VPS13C: variants seen among roughly 807,000 people sequenced by gnomAD.
VPS13C encodes intermembrane lipid transfer protein VPS13C.
Under a neutral mutation model 456.8 loss-of-function variants are expected in VPS13C, and 358 were observed. That is an observed-to-expected ratio of 0.78 (90% CI 0.72 to 0.86). The LOEUF is 0.86. Ranked by LOEUF, VPS13C falls within the 40% of genes least tolerant of loss-of-function variation. The pLI, the probability that VPS13C is intolerant of heterozygous loss-of-function variation, is 0.00. For missense variants in VPS13C, 4,818 were observed against 4,385.4 expected (o/e 1.10, Z -2.79); for synonymous variants, 1,578 against 1,486.7 (o/e 1.06, Z -1.41).
At chr15:61,895,368 GAAAT>G (rs1450039218) in intron 66 of VPS13C, among the ~76,000 whole-genome samples, 1 of 151,744 alleles carries the variant, frequency 6.6e-6, no homozygotes, top group African/African-American at 2.4e-5. Flanking sequence ...GATCAGAGCA[GAAAT>G]AAATAAAATT....
chr15:61,999,847 AAAG>A (rs2046540833), intron 16 of VPS13C, among the ~76,000 whole-genome samples: 2 of 151,316 alleles, frequency 1.3e-5, no homozygotes, highest in South Asian at 4.2e-4. Flanking sequence ...AGGAGAAAAG[AAAG>A]AAGAGAGGGA....
In VPS13C at chr15:61,997,502, T is replaced by C. The variant is rs1216473114; in HGVS notation, c.1353+3062A>G. Among the ~76,000 whole-genome samples, 27 of 152,146 alleles carry C rather than the reference T, an allele frequency of 1.8e-4. 1 individual carries two copies. The highest frequency in any genetic ancestry group is 1.8e-3 in the Admixed American group (27 of 15,252). The stretch of plus-strand genomic sequence containing the variant: ...ACATAATTGCCTACTCCACTGCCCC[T>C]CTGAGGTCTAAGAGATAGCTAAAAC... On this transcript the variant is annotated intron_variant, in intron 16 of 84. Coordinates refer to ENST00000644861, the MANE Select transcript of VPS13C (RefSeq NM_020821.3).
intron 81 of VPS13C, chr15:61,865,886 C>A: frequency 2.1e-6 from 2 of 961,900 alleles, no homozygotes; most frequent in Non-Finnish European, 2.5e-6. Context: ...CTCAAAGCTG[C>A]ATATTAAAGA....
chr15:61,877,843 T>G (rs1404320699), intron 74 of VPS13C, among the ~76,000 whole-genome samples: 2 of 151,966 alleles, frequency 1.3e-5, no homozygotes, highest in Non-Finnish European at 2.9e-5. Context: ...CACTGTGTTT[T>G]CCCTTTTGCG....
chr15:61,912,245 T>C (rs975357712), intron 62 of VPS13C, among the ~76,000 whole-genome samples: 4 of 152,208 alleles, frequency 2.6e-5, no homozygotes, highest in Non-Finnish European at 4.4e-5. Flanking sequence ...CGACTTACAA[T>C]GACAGATTTA....
chr15:61,907,145 T>C, intron 66 of VPS13C, 119 bp downstream of exon 66: 1 of 1,497,806 alleles, frequency 6.7e-7, no homozygotes, highest in East Asian at 2.3e-5. Flanking sequence ...AGCTACTTTT[T>C]CTGGAAATAC....
Position 62,034,952 on chromosome 15 carries a change from C to A in VPS13C, c.283+5G>T. On this transcript the variant is annotated splice_donor_5th_base_variant and intron_variant, in intron 4 of 84. Transcript: ENST00000644861. ...ATTGAATGGTTATAACCTAAAATAA[C>A]ATACTTGCTCCAGGGACAACAAGCA... The A allele has an allele frequency of 6.3e-7, 1 of 1,581,652 alleles. No homozygotes were observed. Among genetic ancestry groups the A allele is most frequent in the Non-Finnish European group, 8.6e-7 (1 of 1,161,488 alleles).
At chr15:61,863,801 T>C in intron 81 of VPS13C, 1 of 267,852 alleles carries the variant, frequency 3.7e-6, no homozygotes. Flanking sequence ...CTTAGAAATA[T>C]TAAAATATCT....
chr15:61,913,468 T>C (rs899546242), intron 61 of VPS13C, 53 bp from the exon 62 acceptor site: 11 of 1,484,396 alleles, frequency 7.4e-6, no homozygotes, highest in African/African-American at 2.8e-5. Context: ...ACTATAATAA[T>C]TTTATTTGAG....
intron 82 of VPS13C, chr15:61,856,687 CTTTTTT>C (rs542779595): frequency 2.1e-3 from 240 of 114,606 alleles, no homozygotes; most frequent in South Asian, 5.7e-3. Flanking sequence ...TTTTTCTTTT[CTTTTTT>C]TTTTTTTTTT....
chr15:61,920,575 T>G lies in VPS13C; in HGVS notation c.7135A>C (p.Ile2379Leu), dbSNP rs200869994. 17 of 1,587,878 alleles carry G rather than the reference T, an allele frequency of 1.1e-5. No homozygotes were observed. Among genetic ancestry groups the G allele is most frequent in the Non-Finnish European group, 1.7e-6 (2 of 1,171,960 alleles). Residue 2379 changes from isoleucine to leucine, a missense_variant, in exon 56 of 85, where the codon ATT becomes CTT. Transcript: ENST00000644861. The part of the protein sequence containing the change: ...DDFIPEPQMA[I>L]HISSGNTMNI... The stretch of plus-strand genomic sequence containing the variant: ...ATTGTATTTCCTGAAGAAATATGAA[T>G]TGCCATTTGTGGCTCAGGAATAAAA...
chr15:62,015,218 C>T (rs1190726301), intron 9 of VPS13C, among the ~76,000 whole-genome samples: 3 of 152,122 alleles, frequency 2.0e-5, no homozygotes, highest in African/African-American at 7.2e-5. Flanking sequence ...AAAGGTGTTA[C>T]TGTATACTTG....
chr15:61,977,291 T>C (rs576946050), intron 23 of VPS13C, 92 bp from the exon 24 acceptor site: 6 of 778,432 alleles, frequency 7.7e-6, no homozygotes, highest in African/African-American at 3.7e-5. Context: ...TTATTTTAAA[T>C]TGTCAGACAT....
At chr15:61,890,143 T>C (rs2042605864) in intron 67 of VPS13C, 22 bp downstream of exon 67, 11 of 1,610,526 alleles carry the variant, frequency 6.8e-6, no homozygotes, top group Non-Finnish European at 8.5e-6. Flanking sequence ...GTTTAGGATG[T>C]CTTATTTTCC....
intron 82 of VPS13C, among the ~76,000 whole-genome samples, chr15:61,860,890 G>A (rs544675394): frequency 1.1e-4 from 17 of 150,966 alleles, no homozygotes; most frequent in African/African-American, 3.4e-4. Context: ...GGGACAAAAC[G>A]TGCAAGCAAA....
At position 62,033,532 on chromosome 15, in the gene VPS13C, A is replaced by G. The variant is rs2047887874; in HGVS notation, c.294T>C (p.Tyr98=). The G allele has an allele frequency of 6.3e-7, 1 of 1,590,484 alleles. No homozygotes were observed. Among genetic ancestry groups the G allele is most frequent in the South Asian group, 1.1e-5 (1 of 87,720 alleles). ...AGGATTTTTCTTCTTTTACAGCATC[A>G]TACTTAATACCTAAAAATATACAGT... ...LLVVPGASIK[Y]DAVKEEKSLQ... is the part of the protein sequence containing the mutation. The change falls in exon 5 of 85, where the codon TAT becomes TAC. Residue 98 remains tyrosine, a synonymous_variant. Transcript: ENST00000644861.
intron 18 of VPS13C, among the ~76,000 whole-genome samples, chr15:61,990,005 A>AAAT (rs2046175321): frequency 2.6e-5 from 4 of 152,242 alleles, no homozygotes; most frequent in African/African-American, 9.6e-5. Context: ...CATCAACAAC[A>AAAT]GTACAAATAA....
At chr15:62,043,633 G>A (rs1374217463) in intron 2 of VPS13C, among the ~76,000 whole-genome samples, 1 of 151,888 alleles carries the variant, frequency 6.6e-6, no homozygotes, top group African/African-American at 2.4e-5. Context: ...AAAATAAAAG[G>A]TTGGAAGCCG....
intron 9 of VPS13C, 83 bp downstream of exon 9, chr15:62,020,396 A>T: frequency 8.6e-7 from 1 of 1,166,224 alleles, no homozygotes; most frequent in Non-Finnish European, 1.2e-6. Flanking sequence ...TTTGTCGCAT[A>T]GTTGATTCTA....
Sources: allele counts gnomAD v4.1 joint callset (sites outside exome capture counted in the v4.1 genomes callset), GRCh38; gene constraint gnomAD v4.1.1; transcripts MANE v1.5; gene names NCBI Gene and HGNC (gene_info 2026-07-23, HGNC 2026-07-21).